Variants in PHTF2 observed in about 807,000 individuals in gnomAD.
The protein encoded by PHTF2 is putative homeodomain transcription factor 2, also known as protein PHTF2.
A neutral mutation model predicts 101.2 loss-of-function variants in PHTF2; 60 were observed. The observed-to-expected ratio is 0.59, with a 90% CI of 0.48 to 0.73. The LOEUF (loss-of-function observed/expected upper bound fraction) is 0.73, where lower values mean the gene tolerates loss of function less well. Among genes scored for constraint, PHTF2 ranks in the 30% least tolerant of loss-of-function variants. The pLI is 0.00. For synonymous variants in PHTF2, 311 were observed against 307.3 expected, an observed-to-expected ratio of 1.01 and a Z score of -0.13; for missense variants, 747 against 908.7, an observed-to-expected ratio of 0.82 and a Z score of 2.29.
chr7:77,956,870 G>A (rs1372127049), exon 20 of PHTF2: 1 of 152,130 alleles, frequency 6.6e-6, no homozygotes, highest in Non-Finnish European at 1.5e-5. Context: ...TTAGATTGAG[G>A]TTAACTTAGA....
intron 8 of PHTF2, chr7:77,909,929 C>G (rs1314408846): frequency 5.5e-6 from 1 of 180,258 alleles, no homozygotes; most frequent in African/African-American, 2.4e-5. Flanking sequence ...AAATTTTCTT[C>G]TTTCTTCATC....
intron 9 of PHTF2, among the ~76,000 whole-genome samples, chr7:77,911,417 T>C (rs1429319389): frequency 6.6e-6 from 1 of 152,084 alleles, no homozygotes; most frequent in Non-Finnish European, 1.5e-5. Flanking sequence ...TTATTATTAT[T>C]TTGAATATTC....
intron 1 of PHTF2, among the ~76,000 whole-genome samples, chr7:77,838,248 A>AT (rs1795618418): frequency 1.3e-5 from 2 of 152,272 alleles, no homozygotes; most frequent in East Asian, 3.9e-4. Context: ...AAAATGGGAG[A>AT]TTTTAAGTCA....
intron 2 of PHTF2, among the ~76,000 whole-genome samples, chr7:77,854,314 G>A (rs1796994741): frequency 6.6e-6 from 1 of 152,138 alleles, no homozygotes; most frequent in Non-Finnish European, 1.5e-5. Flanking sequence ...GAGTCTCTCT[G>A]TCTGCTGAGC....
intron 3 of PHTF2, among the ~76,000 whole-genome samples, chr7:77,885,155 G>A (rs1354097484): frequency 2.6e-5 from 4 of 152,116 alleles, no homozygotes; most frequent in Admixed American, 1.3e-4. Context: ...GTGCAATGGT[G>A]CAATCATAGC....
intron 12 of PHTF2, among the ~76,000 whole-genome samples, chr7:77,933,907 G>A (rs1368480014): frequency 1.3e-5 from 2 of 151,984 alleles, no homozygotes; most frequent in Admixed American, 6.6e-5. Flanking sequence ...CACACCAGTC[G>A]GCTACCTTTT....
chr7:77,834,592 C>G (rs555836058), intron 1 of PHTF2, among the ~76,000 whole-genome samples: 1 of 152,100 alleles, frequency 6.6e-6, no homozygotes, highest in Non-Finnish European at 1.5e-5. Context: ...CTGCTCGGAG[C>G]TCTTTTTCTT....
intron 16 of PHTF2, among the ~76,000 whole-genome samples, chr7:77,947,855 T>TTTTTTTTTTTTTTTTCA: frequency 7.0e-6 from 1 of 142,742 alleles, no homozygotes; most frequent in East Asian, 2.1e-4. Flanking sequence ...TTTTTTTTTT[T>TTTTTTTTTTTTTTTTCA]GAGACAGAGT....
intron 1 of PHTF2, among the ~76,000 whole-genome samples, chr7:77,814,258 G>A (rs1036910830): frequency 5.9e-5 from 9 of 152,158 alleles, no homozygotes; most frequent in African/African-American, 1.9e-4. Context: ...ACAGAGTTGA[G>A]TTCCTGTGAG....
rs199711454 is a variant in PHTF2 at position 77,954,632 on chromosome 7, A to G, written c.2338-226A>G. 2.1e-4 allele frequency among the ~76,000 whole-genome samples: 30 copies of G among 145,316 alleles called. 1 individual carries two copies. In the East Asian group the frequency reaches 4.6e-3, roughly 22 times the overall value. ...ACTGTGTATATATATATATATATAT[A>G]TATATATATATATAGCCACTTCTCA... On this transcript the variant is annotated intron_variant, in intron 19 of 19. Transcript: ENST00000416283.
At chr7:77,799,594 T>G (rs1792369854) in intron 1 of PHTF2, among the ~76,000 whole-genome samples, 1 of 152,220 alleles carries the variant, frequency 6.6e-6, no homozygotes, top group Non-Finnish European at 1.5e-5. Flanking sequence ...AATACCGTGC[T>G]CCATCAGCAT....
At chr7:77,940,547 T>C in exon 15 of PHTF2, 1 of 1,604,146 alleles carries the variant, frequency 6.2e-7, no homozygotes, top group Non-Finnish European at 8.5e-7. Context: ...TTTGCAAAAC[T>C]CTTTGGACAT....
intron 16 of PHTF2, among the ~76,000 whole-genome samples, chr7:77,946,511 C>G (rs931956703): frequency 5.3e-5 from 8 of 152,068 alleles, no homozygotes; most frequent in Middle Eastern, 3.4e-3. Flanking sequence ...AATATCCAAG[C>G]GACTTTACAG....
At chr7:77,831,012 C>T (rs1276759890) in intron 1 of PHTF2, among the ~76,000 whole-genome samples, 1 of 152,234 alleles carries the variant, frequency 6.6e-6, no homozygotes, top group Non-Finnish European at 1.5e-5. Flanking sequence ...GCAGAAGACT[C>T]TTAAGACTGC....
At chr7:77,952,602 T>C (rs939029180) in intron 18 of PHTF2, among the ~76,000 whole-genome samples, 1 of 152,160 alleles carries the variant, frequency 6.6e-6, no homozygotes, top group African/African-American at 2.4e-5. Context: ...GAAAAAAATA[T>C]CTTGAATTAA....
At position 77,840,261 on chromosome 7, in the gene PHTF2, G is replaced by A. The variant is rs368109706; in HGVS notation, c.6G>A (p.Ala2=). ...GTGTGATTTCAGTGGAATAAATGGC[G>A]TCCAAAGTCACAGATGCTATAGTCT... Residue 2 remains alanine, a synonymous_variant, in exon 2 of 20, where the codon GCG becomes GCA. Transcript: ENST00000416283. The A allele has an allele frequency of 2.9e-4, 463 of 1,607,948 alleles. 1 individual carries two copies. The highest frequency in any genetic ancestry group is 3.3e-4 in the Non-Finnish European group (382 of 1,174,838).
At chr7:77,925,136 C>A (rs1316157556) in intron 11 of PHTF2, among the ~76,000 whole-genome samples, 3 of 152,062 alleles carry the variant, frequency 2.0e-5, no homozygotes, top group Non-Finnish European at 4.4e-5. Context: ...AATGAAGAAA[C>A]CATGGGCTTG....
intron 1 of PHTF2, among the ~76,000 whole-genome samples, chr7:77,830,247 C>G (rs2150548353): frequency 6.6e-6 from 1 of 152,272 alleles, no homozygotes; most frequent in South Asian, 2.1e-4. Flanking sequence ...CCAAGATCCC[C>G]AATGGAAACC....
chr7:77,937,684 T>A, intron 12 of PHTF2, 26 bp from the exon 12 acceptor site: 1 of 1,038,542 alleles, frequency 9.6e-7, no homozygotes, highest in Non-Finnish European at 1.3e-6. Context: ...GATCTATATA[T>A]TTACTAATTT....
Sources: allele counts gnomAD v4.1 joint callset (sites outside exome capture counted in the v4.1 genomes callset), GRCh38; gene constraint gnomAD v4.1.1; transcripts MANE v1.5; gene names NCBI Gene and HGNC (gene_info 2026-07-23, HGNC 2026-07-21).